Variants in SPOCK3 observed in about 807,000 individuals in gnomAD.
SPOCK3 encodes SPARC (osteonectin), cwcv and kazal like domains proteoglycan 3.
In SPOCK3, 30 loss-of-function variants were observed where a neutral mutation model predicts 56.6. The observed-to-expected ratio is 0.53, with a 90% CI of 0.40 to 0.72. The LOEUF (loss-of-function observed/expected upper bound fraction) is 0.72. Ranked by LOEUF, SPOCK3 falls within the 30% of genes least tolerant of loss-of-function variation. SPOCK3 has a pLI of 0.00. For missense variants in SPOCK3, 527 were observed against 530.0 expected (o/e 0.99, Z 0.06); for synonymous variants, 196 against 183.3 (o/e 1.07, Z -0.56).
At chr4:166,989,063 T>C (rs997493811) in intron 4 of SPOCK3, among the ~76,000 whole-genome samples, 1 of 152,030 alleles carries the variant, frequency 6.6e-6, no homozygotes, top group Admixed American at 6.6e-5. Context: ...GAAAGAAACC[T>C]ACGAAAATGA....
chr4:166,903,735 A>T (rs1278588071), intron 5 of SPOCK3, among the ~76,000 whole-genome samples: 1 of 151,984 alleles, frequency 6.6e-6, no homozygotes, highest in Non-Finnish European at 1.5e-5. Context: ...CTTGCTTCAG[A>T]TACAAAAACA....
chr4:167,182,745 T>C (rs1237380256), intron 2 of SPOCK3, among the ~76,000 whole-genome samples: 1 of 152,078 alleles, frequency 6.6e-6, no homozygotes, highest in African/African-American at 2.4e-5. Flanking sequence ...ACCATATTAG[T>C]TAAGCTGGTC....
intron 6 of SPOCK3, among the ~76,000 whole-genome samples, chr4:166,830,353 T>C (rs1745904382): frequency 6.6e-6 from 1 of 152,226 alleles, no homozygotes; most frequent in South Asian, 2.1e-4. Context: ...CATTTAAAAC[T>C]TGTTACTTTA....
chr4:167,128,039 A>G (rs1762423056), intron 2 of SPOCK3, among the ~76,000 whole-genome samples: 1 of 152,098 alleles, frequency 6.6e-6, no homozygotes, highest in Non-Finnish European at 1.5e-5. Flanking sequence ...CTTCCTCTCC[A>G]ATAATTAATT....
chr4:167,158,771 T>G (rs1345313946), intron 2 of SPOCK3, among the ~76,000 whole-genome samples: 1 of 152,012 alleles, frequency 6.6e-6, no homozygotes, highest in African/African-American at 2.4e-5. Context: ...ACTTTTTACC[T>G]GAACTTATAA....
chr4:166,960,067 T>C (rs1419663739), intron 4 of SPOCK3, among the ~76,000 whole-genome samples: 1 of 152,196 alleles, frequency 6.6e-6, no homozygotes, highest in Admixed American at 6.5e-5. Context: ...TTTTTATCTT[T>C]CTGATTATGA....
chr4:167,187,633 A>G lies in SPOCK3; in HGVS notation c.189+46352T>C, dbSNP rs1051559667. On this transcript the variant is annotated intron_variant, in intron 2 of 10. Coordinates refer to ENST00000357545, the MANE Select transcript of SPOCK3 (RefSeq NM_001040159.2). ...GTTTAATTTTTTTTCTTGGTCACTAAGACACTATAAATACTATTATATTAA... is the reference window on the plus strand; with the variant it reads ...GTTTAATTTTTTTTCTTGGTCACTAGGACACTATAAATACTATTATATTAA... Among the ~76,000 whole-genome samples, 4 of 151,998 alleles carry G rather than the reference A, an allele frequency of 2.6e-5. No homozygotes were observed. In the South Asian group the frequency reaches 6.2e-4, roughly 24 times the overall value.
intron 6 of SPOCK3, among the ~76,000 whole-genome samples, chr4:166,868,485 A>G (rs1732108514): frequency 6.6e-6 from 1 of 152,090 alleles, no homozygotes; most frequent in South Asian, 2.1e-4. Flanking sequence ...AAATCTTACA[A>G]TGAGTATAAA....
chr4:167,104,626 G>T (rs1053895596), intron 2 of SPOCK3, among the ~76,000 whole-genome samples: 5 of 152,066 alleles, frequency 3.3e-5, no homozygotes, highest in Admixed American at 3.3e-4. Context: ...AAGAGTTATT[G>T]CCCTTAAAGG....
chr4:166,976,508 C>T (rs550598997), intron 4 of SPOCK3, among the ~76,000 whole-genome samples: 200 of 152,178 alleles, frequency 1.3e-3, no homozygotes, highest in African/African-American at 4.5e-3. Flanking sequence ...AACCTTAGTC[C>T]TTGATATTTG....
chr4:166,941,999 G>A (rs1381028761), intron 4 of SPOCK3, among the ~76,000 whole-genome samples: 1 of 152,060 alleles, frequency 6.6e-6, no homozygotes, highest in Non-Finnish European at 1.5e-5. Flanking sequence ...GCTGTTTTAA[G>A]CCACTAAGTT....
intron 10 of SPOCK3, among the ~76,000 whole-genome samples, chr4:166,735,595 TAA>T (rs112741645): frequency 6.9e-6 from 1 of 145,700 alleles, no homozygotes. Flanking sequence ...GTTCTTAAAA[TAA>T]AAAAAAAAAT....
intron 4 of SPOCK3, among the ~76,000 whole-genome samples, chr4:166,973,756 T>C (rs1463663492): frequency 6.6e-6 from 1 of 152,152 alleles, no homozygotes; most frequent in African/African-American, 2.4e-5. Context: ...GTTGATTTAA[T>C]GGCCGCTAGA....
At chr4:167,173,669 G>T (rs1730703186) in intron 2 of SPOCK3, among the ~76,000 whole-genome samples, 1 of 152,128 alleles carries the variant, frequency 6.6e-6, no homozygotes, top group Non-Finnish European at 1.5e-5. Context: ...GTATTTGAGT[G>T]CCTACTGAGT....
chr4:166,986,478 C>T (rs1747186897), intron 4 of SPOCK3, among the ~76,000 whole-genome samples: 2 of 152,144 alleles, frequency 1.3e-5, no homozygotes. Flanking sequence ...CTTAGCCTGT[C>T]TGTGGTGATT....
At chr4:166,764,339 C>G (rs1043949244) in intron 7 of SPOCK3, among the ~76,000 whole-genome samples, 1 of 152,026 alleles carries the variant, frequency 6.6e-6, no homozygotes, top group Non-Finnish European at 1.5e-5. Flanking sequence ...TTCCCTCCCC[C>G]CTCTCCCCAC....
chr4:166,901,125 C>A (rs1281268407), intron 5 of SPOCK3, among the ~76,000 whole-genome samples: 1 of 152,114 alleles, frequency 6.6e-6, no homozygotes, highest in East Asian at 1.9e-4. Context: ...CTGAACCTCC[C>A]ATGCAAATCA....
At chr4:166,984,370 C>T (rs1050280879) in intron 4 of SPOCK3, among the ~76,000 whole-genome samples, 23 of 151,896 alleles carry the variant, frequency 1.5e-4, no homozygotes, top group African/African-American at 3.1e-4. Context: ...TTTGATAAAC[C>T]GTATAGCTTG....
intron 3 of SPOCK3, among the ~76,000 whole-genome samples, chr4:167,007,351 G>A (rs1749568258): frequency 6.6e-6 from 1 of 152,044 alleles, no homozygotes; most frequent in African/African-American, 2.4e-5. Context: ...GTAATCCCTA[G>A]ATTATTCATA....
Sources: allele counts gnomAD v4.1 joint callset (sites outside exome capture counted in the v4.1 genomes callset), GRCh38; gene constraint gnomAD v4.1.1; transcripts MANE v1.5; gene names NCBI Gene and HGNC (gene_info 2026-07-23, HGNC 2026-07-21).